Variants in STK32C observed in about 807,000 individuals in gnomAD.
STK32C encodes the protein serine/threonine-protein kinase 32C.
Under a neutral mutation model 56.5 loss-of-function variants are expected in STK32C, and 31 were observed. The observed-to-expected ratio is 0.55, with a 90% CI of 0.41 to 0.74. STK32C has a LOEUF of 0.74. Among genes scored for constraint, STK32C ranks in the 30% least tolerant of loss-of-function variants. The pLI, the probability that STK32C is intolerant of heterozygous loss-of-function variation, is 0.00. For missense variants in STK32C, 544 were observed against 676.9 expected, an observed-to-expected ratio of 0.80 and a Z score of 2.18; for synonymous variants, 309 against 289.4, an observed-to-expected ratio of 1.07 and a Z score of -0.69.
downstream of STK32C, among the ~76,000 whole-genome samples, chr10:132,322,934 C>G (rs1272168019): frequency 2.0e-5 from 3 of 152,184 alleles, no homozygotes; most frequent in Admixed American, 2.0e-4. Flanking sequence ...TACTCAATCC[C>G]AGAGTGTTCT....
At chr10:132,223,346 T>C (rs1352274768) in intron 8 of STK32C, among the ~76,000 whole-genome samples, 1 of 152,096 alleles carries the variant, frequency 6.6e-6, no homozygotes, top group Non-Finnish European at 1.5e-5. Context: ...ACAGTAACTA[T>C]CCCAGAGCCA....
chr10:132,240,048 C>G (rs1312941356), intron 2 of STK32C, among the ~76,000 whole-genome samples: 2 of 152,244 alleles, frequency 1.3e-5, no homozygotes, highest in African/African-American at 2.4e-5. Context: ...GAGCTGCCAT[C>G]CTGGTGGCCT....
chr10:132,322,280 T>C (rs1486856312), downstream of STK32C, among the ~76,000 whole-genome samples: 1 of 152,220 alleles, frequency 6.6e-6, no homozygotes, highest in Non-Finnish European at 1.5e-5. Flanking sequence ...CCCTATTGAA[T>C]CATAGGAATG....
chr10:132,292,538 T>C (rs554197654), intron 1 of STK32C, among the ~76,000 whole-genome samples: 3 of 152,312 alleles, frequency 2.0e-5, no homozygotes, highest in East Asian at 3.9e-4. Context: ...TGCACACGCA[T>C]GCACACACTC....
At chr10:132,224,573 C>T in intron 7 of STK32C, 50 bp from the exon 8 acceptor site, 1 of 1,396,006 alleles carries the variant, frequency 7.2e-7, no homozygotes, top group Non-Finnish European at 1.0e-6. Flanking sequence ...CCCCAGGACA[C>T]CCAGAACAAT....
upstream of STK32C, among the ~76,000 whole-genome samples, chr10:132,311,865 A>T (rs898874426): frequency 1.3e-5 from 2 of 152,232 alleles, no homozygotes; most frequent in Non-Finnish European, 2.9e-5. This position sits in a 1 kb window ranked among gnomAD's most constrained non-coding sequence, Gnocchi z 4.4. Context: ...ATAAGGTCAC[A>T]TTCACAGGGC....
chr10:132,255,392 G>A lies in STK32C; in HGVS notation c.263-9437C>T, dbSNP rs112555532. On this transcript the variant is annotated intron_variant, in intron 1 of 11. Coordinates refer to ENST00000298630, the MANE Select transcript of STK32C (RefSeq NM_173575.4). The surrounding 1 kb of genome is among the most constrained non-coding windows in gnomAD (Gnocchi z 4.6). The stretch of plus-strand genomic sequence containing the variant: ...GCCCGCTAGGTCAACAGGAACCACA[G>A]GAGTCACCAGACATCACCTCACAGA... Among the ~76,000 whole-genome samples, 1,437 of 152,264 alleles carry A rather than the reference G, an allele frequency of 9.4e-3. 19 individuals carry two copies. The highest frequency in any genetic ancestry group is 0.032 in the African/African-American group (1,331 of 41,536).
chr10:132,214,964 C>G (rs1442049492), intron 10 of STK32C, among the ~76,000 whole-genome samples: 1 of 152,154 alleles, frequency 6.6e-6, no homozygotes. Flanking sequence ...AAAGGAAGAA[C>G]AATAAATAGA....
At chr10:132,226,728 C>G in intron 4 of STK32C, 67 bp downstream of exon 4, 19 of 1,571,236 alleles carry the variant, frequency 1.2e-5, no homozygotes, top group Non-Finnish European at 1.6e-5. Flanking sequence ...GTGCCGGCAG[C>G]CTGACCTAAG....
Position 132,228,107 on chromosome 10 carries a change from C to T in STK32C, c.340G>A (p.Asp114Asn). ...FGKVCIVQKR[D>N]TEKMYAMKYM... ...TTCATGGCGTACATCTTCTCCGTGT[C>T]CCGCTTCTGCACAATGCACACCTGG... Residue 114 changes from aspartate (D) to asparagine (N), a missense_variant, in exon 3 of 12, where the codon GAC becomes AAC. By Grantham distance (23) the Asp-to-Asn change is conservative. Around this residue, in one of 3 missense-constraint regions of STK32C, gnomAD observed 182 missense variants for 217.7 expected, o/e 0.84. Transcript: ENST00000298630. 1 of 1,614,000 alleles carries T rather than the reference C, an allele frequency of 6.2e-7. No individual in the cohort carries two copies. Among genetic ancestry groups the T allele is most frequent in the Non-Finnish European group, 8.5e-7 (1 of 1,180,026 alleles).
At chr10:132,282,194 G>T (rs2138240291) in intron 1 of STK32C, among the ~76,000 whole-genome samples, 2 of 152,312 alleles carry the variant, frequency 1.3e-5, no homozygotes, top group East Asian at 3.9e-4. Context: ...CAGGACCAAG[G>T]TGCGCCAACC....
At chr10:132,230,940 G>A (rs190398703) in intron 2 of STK32C, among the ~76,000 whole-genome samples, 49 of 152,280 alleles carry the variant, frequency 3.2e-4, no homozygotes, top group Non-Finnish European at 6.6e-4. Flanking sequence ...CACTCACCAG[G>A]GGACAGGGCA....
intron 1 of STK32C, among the ~76,000 whole-genome samples, chr10:132,272,732 C>T (rs2064869108): frequency 6.6e-6 from 1 of 152,212 alleles, no homozygotes; most frequent in Non-Finnish European, 1.5e-5. Context: ...AACAAAGCTG[C>T]AGGCGTCGTC....
downstream of STK32C, among the ~76,000 whole-genome samples, chr10:132,321,998 A>G (rs1385672786): frequency 6.6e-6 from 1 of 152,142 alleles, no homozygotes; most frequent in African/African-American, 2.4e-5. Context: ...GAGTCCCCAG[A>G]TGCTCCCAAG....
Position 132,225,317 on chromosome 10 carries a change from A to C in STK32C, c.792T>G (p.Ser264=). Residue 264 remains serine (S), a synonymous_variant, in exon 7 of 12, where the codon TCT becomes TCG. Coordinates refer to ENST00000298630, the MANE Select transcript of STK32C (RefSeq NM_173575.4). ...KPYMAPEIFH[S]FVNGGTGYSF... is the part of the protein sequence containing the mutation. ...AGTAGCCGGTCCCGCCGTTGACAAAAGAGTGGAAGATCTCCGGAGCTTTCC... is the reference window on the plus strand; with the variant it reads ...AGTAGCCGGTCCCGCCGTTGACAAACGAGTGGAAGATCTCCGGAGCTTTCC... The C allele has an allele frequency of 6.2e-7, 1 of 1,611,682 alleles. No individual in the cohort carries two copies. Among genetic ancestry groups the C allele is most frequent in the Non-Finnish European group, 8.5e-7 (1 of 1,179,162 alleles).
chr10:132,294,513 A>G (rs144653995), intron 1 of STK32C, among the ~76,000 whole-genome samples: 1 of 152,150 alleles, frequency 6.6e-6, no homozygotes, highest in Non-Finnish European at 1.5e-5. Context: ...ACACTTTCGT[A>G]GCACAGGAAA....
intron 1 of STK32C, among the ~76,000 whole-genome samples, chr10:132,285,503 G>C (rs1158294585): frequency 2.0e-5 from 3 of 152,216 alleles, no homozygotes; most frequent in Non-Finnish European, 4.4e-5. Context: ...AAAAGGAAAA[G>C]GGTGGAAAAT....
At chr10:132,222,508 G>A (rs989993634) in intron 10 of STK32C, 133 bp downstream of exon 10, 10 of 1,202,798 alleles carry the variant, frequency 8.3e-6, no homozygotes, top group Non-Finnish European at 1.0e-5. Context: ...GGCCTTCTCA[G>A]GACTTCAGGA....
At position 132,307,704 on chromosome 10, in the gene STK32C, G is replaced by C; in HGVS notation, c.130C>G (p.Arg44Gly). The change falls in exon 1 of 12, where the codon CGG becomes GGG. Residue 44 changes from arginine (R) to glycine (G), a missense_variant. Arg to Gly is a moderately radical substitution (Grantham distance 125). This residue lies in a region of STK32C where 182 missense variants were observed against 217.7 expected (regional missense o/e 0.84). Transcript: ENST00000298630. The surrounding 1 kb of genome is among the most constrained non-coding windows in gnomAD (Gnocchi z 4.4). ...ALPPPAAGQP[R>G]ARDSGDVRSQ... ...CGGACATCGCCCGAGTCCCGGGCCC[G>C]GGGCTGGCCAGCAGCGGGCGGCGGC... 2 of 1,438,062 alleles carry C rather than the reference G, an allele frequency of 1.4e-6. No homozygotes were observed. Among genetic ancestry groups the C allele is most frequent in the Non-Finnish European group, 1.8e-6 (2 of 1,086,790 alleles). The allele number at this position is 1,438,062 out of a possible 1,614,324, so 89.1% of individuals were successfully genotyped here.
Sources: gnomAD v4.1 joint callset for allele counts (sites outside exome capture counted in the v4.1 genomes callset) on GRCh38, gnomAD v4.1.1 for gene constraint, gnomAD v4.1.1 regional missense constraint, Gnocchi (gnomAD v3.1) non-coding constraint, MANE v1.5 for transcripts, NCBI Gene and HGNC (gene_info 2026-07-23, HGNC 2026-07-21) for gene names.